PRKN: variants seen among roughly 807,000 people sequenced by gnomAD.
PRKN encodes the protein parkin RBR E3 ubiquitin protein ligase.
A neutral mutation model predicts 59.5 loss-of-function variants in PRKN; 56 were observed. That is an observed-to-expected ratio of 0.94 (90% CI 0.76 to 1.18). The LOEUF (loss-of-function observed/expected upper bound fraction) is 1.18, where lower values mean the gene tolerates loss of function less well. Among genes scored for constraint, PRKN ranks in the 50% most tolerant of loss-of-function variants. PRKN has a pLI of 0.00. For missense variants in PRKN, 657 were observed against 596.4 expected (o/e 1.10, Z -1.06); for synonymous variants, 250 against 222.1 (o/e 1.13, Z -1.12).
At chr6:161,863,293 TA>T (rs1361059946) in intron 6 of PRKN, among the ~76,000 whole-genome samples, 1 of 150,474 alleles carries the variant, frequency 6.6e-6, no homozygotes, top group Non-Finnish European at 1.5e-5. Context: ...CTTGACTTTG[TA>T]AAAAAGGAAA....
At chr6:161,982,025 G>A (rs1326568306) in intron 5 of PRKN, among the ~76,000 whole-genome samples, 12 of 152,182 alleles carry the variant, frequency 7.9e-5, no homozygotes, top group Non-Finnish European at 7.3e-5. Context: ...TCTTCAAGAA[G>A]TCTAACTTAA....
At chr6:162,441,583 T>G (rs1316540592) in intron 2 of PRKN, among the ~76,000 whole-genome samples, 1 of 152,210 alleles carries the variant, frequency 6.6e-6, no homozygotes, top group Non-Finnish European at 1.5e-5. Context: ...ATGAAATTGT[T>G]GAACCTGTAA....
At chr6:162,605,079 G>T (rs1781856967) in intron 1 of PRKN, among the ~76,000 whole-genome samples, 1 of 152,032 alleles carries the variant, frequency 6.6e-6, no homozygotes, top group East Asian at 1.9e-4. Flanking sequence ...TGCCAAAAGT[G>T]ATCTTTTCAT....
At chr6:162,126,217 C>A (rs934642652) in intron 4 of PRKN, among the ~76,000 whole-genome samples, 46 of 152,298 alleles carry the variant, frequency 3.0e-4, no homozygotes, top group African/African-American at 1.0e-3. Context: ...ACACAGAGTT[C>A]TCATTCTCAT....
chr6:161,479,079 G>C (rs1254404193), intron 9 of PRKN, among the ~76,000 whole-genome samples: 1 of 152,144 alleles, frequency 6.6e-6, no homozygotes, highest in Admixed American at 6.6e-5. Flanking sequence ...GAAAATTTCT[G>C]GAATAACAAC....
At chr6:162,006,475 C>A (rs537106394) in intron 5 of PRKN, among the ~76,000 whole-genome samples, 3 of 152,296 alleles carry the variant, frequency 2.0e-5, no homozygotes, top group South Asian at 4.1e-4. Context: ...TACTGACTAT[C>A]CTCTAGTGTT....
At chr6:162,605,858 C>T (rs1437070781) in intron 1 of PRKN, among the ~76,000 whole-genome samples, 1 of 151,986 alleles carries the variant, frequency 6.6e-6, no homozygotes, top group Non-Finnish European at 1.5e-5. Context: ...CAAAAATTTG[C>T]CAATGGCTTC....
intron 6 of PRKN, among the ~76,000 whole-genome samples, chr6:161,840,186 G>C (rs1028246503): frequency 3.9e-5 from 6 of 152,182 alleles, no homozygotes; most frequent in African/African-American, 1.4e-4. Flanking sequence ...GTAGGCTCGT[G>C]GGCAGGGGAC....
intron 7 of PRKN, among the ~76,000 whole-genome samples, chr6:161,602,147 A>G (rs1782131669): frequency 7.2e-6 from 1 of 139,594 alleles, no homozygotes; most frequent in Non-Finnish European, 1.5e-5. Flanking sequence ...TTGCCTATCG[A>G]TTTACCTACC....
chr6:162,470,648 C>T (rs1791684402), intron 1 of PRKN, among the ~76,000 whole-genome samples: 2 of 152,288 alleles, frequency 1.3e-5, no homozygotes, highest in South Asian at 2.1e-4. Context: ...AAATGAAACA[C>T]AAGCATAAAA....
At chr6:161,991,597 T>C (rs1159479950) in intron 5 of PRKN, among the ~76,000 whole-genome samples, 1 of 151,998 alleles carries the variant, frequency 6.6e-6, no homozygotes, top group Non-Finnish European at 1.5e-5. Context: ...ATCTCAGCAC[T>C]TTGGGAGGCC....
At chr6:162,343,426 C>T (rs1304922423) in intron 2 of PRKN, among the ~76,000 whole-genome samples, 1 of 152,190 alleles carries the variant, frequency 6.6e-6, no homozygotes, top group African/African-American at 2.4e-5. Flanking sequence ...ACAGCAGTAG[C>T]CATAGCTCTT....
chr6:161,654,698 T>C (rs1784274645), intron 7 of PRKN, among the ~76,000 whole-genome samples: 1 of 152,058 alleles, frequency 6.6e-6, no homozygotes, highest in Non-Finnish European at 1.5e-5. Flanking sequence ...TGTATCTACG[T>C]AGGATGTAGA....
intron 9 of PRKN, among the ~76,000 whole-genome samples, chr6:161,403,599 T>C (rs1030452398): frequency 3.9e-5 from 6 of 152,200 alleles, no homozygotes; most frequent in Non-Finnish European, 8.8e-5. Flanking sequence ...GCCCCATCTC[T>C]GTGAGAATCA....
chr6:162,089,634 C>T (rs1779392774), intron 4 of PRKN, among the ~76,000 whole-genome samples: 1 of 152,114 alleles, frequency 6.6e-6, no homozygotes, highest in African/African-American at 2.4e-5. Context: ...GTAGAAACAA[C>T]CCAGATGCCC....
intron 1 of PRKN, among the ~76,000 whole-genome samples, chr6:162,537,319 C>T (rs1778758579): frequency 6.6e-6 from 1 of 152,196 alleles, no homozygotes; most frequent in African/African-American, 2.4e-5. Flanking sequence ...TCACTAGCAC[C>T]TCACTCCGTA....
At chr6:162,515,880 T>C (rs1383506690) in intron 1 of PRKN, among the ~76,000 whole-genome samples, 2 of 151,094 alleles carry the variant, frequency 1.3e-5, no homozygotes, top group Non-Finnish European at 3.0e-5. Flanking sequence ...ATGTCTGTAC[T>C]ACTAATAGGC....
At chr6:162,477,999 C>T (rs1041689423) in intron 1 of PRKN, among the ~76,000 whole-genome samples, 2 of 152,128 alleles carry the variant, frequency 1.3e-5, no homozygotes, top group East Asian at 1.9e-4. Context: ...GGTCCTAAAG[C>T]GCAGGGTCCT....
intron 5 of PRKN, among the ~76,000 whole-genome samples, chr6:161,974,049 C>T (rs1780930359): frequency 1.3e-5 from 2 of 152,182 alleles, no homozygotes; most frequent in South Asian, 4.1e-4. Flanking sequence ...GGCGGATCAC[C>T]TGGGGTCAGG....
Sources: allele counts gnomAD v4.1 joint callset (sites outside exome capture counted in the v4.1 genomes callset), GRCh38; gene constraint gnomAD v4.1.1; transcripts MANE v1.5; gene names NCBI Gene and HGNC (gene_info 2026-07-23, HGNC 2026-07-21).